ATP11A: variants seen among roughly 807,000 people sequenced by gnomAD.
ATP11A encodes ATPase phospholipid transporting 11A.
ATP11A carries 81 observed loss-of-function variants against 154.4 expected under a neutral mutation model. The ratio of observed to expected loss-of-function variants is 0.52; its 90% CI spans 0.44 to 0.63. The LOEUF is 0.63. ATP11A is among the 30% of genes least tolerant of loss of function. ATP11A has a pLI of 0.00. For missense variants in ATP11A, 1,316 were observed against 1,474.3 expected (o/e 0.89, Z 1.76); for synonymous variants, 623 against 585.9 (o/e 1.06, Z -0.91).
chr13:112,823,445 A>G lies in ATP11A; in HGVS notation c.790+36A>G, dbSNP rs1338240638. 6 of 1,526,794 alleles carry G rather than the reference A, an allele frequency of 3.9e-6. No homozygotes were observed. The Middle Eastern group carries it at 5.1e-4, about 130-fold the overall frequency. 94.6% of individuals were successfully genotyped at this position (1,526,794 alleles called of 1,614,324 possible). On this transcript the variant is annotated intron_variant, in intron 9 of 29. Transcript: ENST00000375645. ...AATTAATTATTAACCATTGCCCCTA[A>G]CATTAAGGATGCATGAAGCAAAAGT...
At chr13:112,841,759 C>T (rs112023246) in intron 16 of ATP11A, among the ~76,000 whole-genome samples, 1,573 of 152,384 alleles carry the variant, frequency 0.01, 33 homozygotes, top group African/African-American at 0.035. Flanking sequence ...GAGAAGCCCA[C>T]GTTCACAGCA....
intron 1 of ATP11A, among the ~76,000 whole-genome samples, chr13:112,724,105 GCCCCCTTCGCCCCCTTCT>G (rs1889531768): frequency 1.7e-5 from 1 of 59,734 alleles, no homozygotes; most frequent in Non-Finnish European, 3.3e-5. Context: ...CGTCCCCATC[GCCCCCTTCGCCCCCTTCT>G]CCCCCATCGC....
At chr13:112,816,720 C>T (rs982593841) in intron 6 of ATP11A, among the ~76,000 whole-genome samples, 8 of 152,110 alleles carry the variant, frequency 5.3e-5, no homozygotes, top group African/African-American at 1.9e-4. Flanking sequence ...GTTTTTTGAC[C>T]TACACCTCCC....
At chr13:112,808,156 C>T (rs958600590) in intron 4 of ATP11A, among the ~76,000 whole-genome samples, 1 of 152,042 alleles carries the variant, frequency 6.6e-6, no homozygotes, top group Non-Finnish European at 1.5e-5. Flanking sequence ...ACCACGGCCC[C>T]AGACAACATG....
At chr13:112,763,385 ACT>A (rs1287295537) in intron 1 of ATP11A, among the ~76,000 whole-genome samples, 1 of 151,846 alleles carries the variant, frequency 6.6e-6, no homozygotes, top group Non-Finnish European at 1.5e-5. Context: ...GACAAAACAG[ACT>A]CTCTGTACCA....
At position 112,807,177 on chromosome 13, in the gene ATP11A, C is replaced by T. The variant is rs1376364196; in HGVS notation, c.333+884C>T. Among the ~76,000 whole-genome samples the T allele has an allele frequency of 6.6e-6, 1 of 152,228 alleles. No homozygotes were observed. Among genetic ancestry groups the T allele is most frequent in the Non-Finnish European group, 1.5e-5 (1 of 68,044 alleles). On this transcript the variant is annotated intron_variant, in intron 4 of 29. Transcript: ENST00000375645. The surrounding 1 kb of genome is among the most constrained non-coding windows in gnomAD (Gnocchi z 4.5). ...TGGCGAGGGAGGCACCACGGGCCGC[C>T]GGCAGGAGCGTGGCGGAGCCACCAA...
At chr13:112,737,802 T>C (rs530872884) in intron 1 of ATP11A, among the ~76,000 whole-genome samples, 17 of 152,212 alleles carry the variant, frequency 1.1e-4, no homozygotes, top group Non-Finnish European at 2.4e-4. Flanking sequence ...TGTCTTGGAT[T>C]GACAAACACA....
chr13:112,729,872 G>C (rs746534728), intron 1 of ATP11A, among the ~76,000 whole-genome samples: 4 of 152,230 alleles, frequency 2.6e-5, no homozygotes, highest in Non-Finnish European at 5.9e-5. Flanking sequence ...TGAAGCAAAC[G>C]GGGAATGGTT....
chr13:112,876,171 C>A, intron 28 of ATP11A: 1 of 393,016 alleles, frequency 2.5e-6, no homozygotes, highest in Non-Finnish European at 4.3e-6. Context: ...AAATGAGACA[C>A]AAATAAGAGA....
At chr13:112,787,220 A>G (rs2077661623) in intron 2 of ATP11A, among the ~76,000 whole-genome samples, 1 of 138,606 alleles carries the variant, frequency 7.2e-6, no homozygotes, top group Non-Finnish European at 1.5e-5. Context: ...CCTGATGTGT[A>G]GACCCCTGTG....
intron 22 of ATP11A, 84 bp downstream of exon 22, chr13:112,858,374 C>T: frequency 7.2e-7 from 1 of 1,387,942 alleles, no homozygotes; most frequent in South Asian, 1.4e-5. Context: ...CCACTTGATG[C>T]CACAAGAGGT....
intron 11 of ATP11A, 101 bp from the exon 12 acceptor site, chr13:112,826,593 C>T (rs757187212): frequency 4.2e-6 from 4 of 943,642 alleles, no homozygotes; most frequent in Admixed American, 3.6e-5. Context: ...AGTAGTAGCG[C>T]TCGTATAACT....
chr13:112,730,043 C>T (rs1890324696), intron 1 of ATP11A, among the ~76,000 whole-genome samples: 2 of 152,188 alleles, frequency 1.3e-5, no homozygotes, highest in Non-Finnish European at 2.9e-5. Context: ...ATCTCTGTGT[C>T]CATGCTAAGT....
chr13:112,719,414 G>A (rs1337267090), intron 1 of ATP11A, among the ~76,000 whole-genome samples: 4 of 152,192 alleles, frequency 2.6e-5, no homozygotes, highest in East Asian at 1.9e-4. Flanking sequence ...TAATTAACTT[G>A]TAGGCTGTGG....
chr13:112,748,220 G>A (rs1172143174), intron 1 of ATP11A, among the ~76,000 whole-genome samples: 3 of 152,106 alleles, frequency 2.0e-5, no homozygotes, highest in Non-Finnish European at 1.5e-5. Flanking sequence ...TTTGGATAAG[G>A]GCTACTCAAC....
chr13:112,736,348 A>G (rs1322731705), intron 1 of ATP11A, among the ~76,000 whole-genome samples: 3 of 152,236 alleles, frequency 2.0e-5, no homozygotes, highest in African/African-American at 7.2e-5. Context: ...ATAGTGTCTG[A>G]CACATAGGAA....
chr13:112,780,535 C>T (rs944652794), intron 1 of ATP11A, among the ~76,000 whole-genome samples: 1 of 152,296 alleles, frequency 6.6e-6, no homozygotes, highest in Non-Finnish European at 1.5e-5. Flanking sequence ...TCAGTGGACG[C>T]GCGTTTGGAG....
In ATP11A at chr13:112,816,143, T is replaced by G; in HGVS notation, c.502T>G (p.Ser168Ala). 3 of 1,614,172 alleles carry G rather than the reference T, an allele frequency of 1.9e-6. No individual in the cohort carries two copies. Among genetic ancestry groups the G allele is most frequent in the South Asian group, 2.2e-5 (2 of 91,084 alleles). Residue 168 changes from serine to alanine, a missense_variant, in exon 6 of 30, where the codon TCC becomes GCC. By Grantham distance (99) the Ser-to-Ala change is moderately conservative (BLOSUM62 1). Coordinates refer to ENST00000375645, the MANE Select transcript of ATP11A (RefSeq NM_015205.3). ...CTTTCCCTGCGACTTGATCTTCCTT[T>G]CCAGCAACCGGGGAGATGGGACGTG... is the stretch of plus-strand genomic sequence containing the variant. ...ETFPCDLIFL[S>A]SNRGDGTCHV... is the part of the protein sequence containing the mutation.
intron 1 of ATP11A, among the ~76,000 whole-genome samples, chr13:112,701,750 G>A (rs1262445088): frequency 2.0e-5 from 3 of 151,780 alleles, no homozygotes; most frequent in Non-Finnish European, 4.4e-5. Context: ...GGAGAATGGC[G>A]TGAACTGGGG....
Sources: gnomAD v4.1 joint callset for allele counts (sites outside exome capture counted in the v4.1 genomes callset) on GRCh38, gnomAD v4.1.1 for gene constraint, Gnocchi (gnomAD v3.1) non-coding constraint, MANE v1.5 for transcripts, NCBI Gene and HGNC (gene_info 2026-07-23, HGNC 2026-07-21) for gene names.